Variants in CFLAR observed in about 807,000 individuals in gnomAD.
CFLAR encodes CASP8 and FADD-like apoptosis regulator.
CFLAR carries 14 observed loss-of-function variants against 51.1 expected under a neutral mutation model. The observed-to-expected ratio is 0.27, with a 90% CI of 0.18 to 0.43. The LOEUF (loss-of-function observed/expected upper bound fraction) is 0.43, where lower values mean the gene tolerates loss of function less well. Ranked by LOEUF, CFLAR falls within the 20% of genes least tolerant of loss-of-function variation. The probability of loss-of-function intolerance (pLI) is 1.00; values close to 1 mark genes in which losing one functional copy is unlikely to be tolerated. For missense variants in CFLAR, 390 were observed against 566.5 expected (o/e 0.69, Z 3.16); for synonymous variants, 210 against 211.6 (o/e 0.99, Z 0.06).
At chr2:201,152,525 A>G (rs1225091213) in intron 8 of CFLAR, among the ~76,000 whole-genome samples, 1 of 152,092 alleles carries the variant, frequency 6.6e-6, no homozygotes, top group East Asian at 1.9e-4. Context: ...TTGCTTGTTC[A>G]ATTCTAGCCA....
intron 5 of CFLAR, chr2:201,141,473 T>G (rs1218437795): frequency 3.2e-6 from 5 of 1,538,806 alleles, no homozygotes; most frequent in Non-Finnish European, 4.4e-6. Flanking sequence ...TCTGAATGAT[T>G]AAATCGTTTC....
intron 5 of CFLAR, chr2:201,141,356 C>T (rs1289720225): frequency 6.4e-7 from 1 of 1,550,866 alleles, no homozygotes; most frequent in African/African-American, 1.4e-5. Flanking sequence ...TTCATTTTTG[C>T]TTTTTTCTCT....
At chr2:201,147,287 G>A (rs1211664016) in intron 6 of CFLAR, among the ~76,000 whole-genome samples, 1 of 152,172 alleles carries the variant, frequency 6.6e-6, no homozygotes, top group Non-Finnish European at 1.5e-5. Flanking sequence ...CCAGCACTTT[G>A]GGAGGTCGAG....
At chr2:201,141,199 C>G (rs905923575) in intron 5 of CFLAR, among the ~76,000 whole-genome samples, 5 of 152,150 alleles carry the variant, frequency 3.3e-5, no homozygotes, top group African/African-American at 1.2e-4. Flanking sequence ...CATTGTACTC[C>G]AGCCTGGGTG....
intron 6 of CFLAR, 75 bp downstream of exon 6, chr2:201,145,507 G>A: frequency 1.0e-6 from 1 of 970,468 alleles, no homozygotes; most frequent in Non-Finnish European, 1.6e-6. Context: ...CATTTTTAGA[G>A]TTGGTCATTT....
Position 201,166,388 on chromosome 2 carries a change from C to T in CFLAR, c.*2415C>T, listed in dbSNP as rs868576672. The stretch of plus-strand genomic sequence containing the variant: ...ACAGGGTGGCTGTCGGGCGGAGGGG[C>T]TCCTCACTTCTCAGACGGGGCAGCT... On this transcript the variant is annotated 3_prime_UTR_variant, in exon 10 of 10. Coordinates refer to ENST00000309955, the MANE Select transcript of CFLAR (RefSeq NM_003879.7). 1.6e-4 allele frequency: 25 copies of T among 153,894 alleles called. No homozygotes were observed. Among genetic ancestry groups the T allele is most frequent in the Admixed American group, 2.8e-4 (4 of 14,140 alleles). The allele number at this position is 153,894 out of a possible 1,614,324, so 9.5% of individuals were successfully genotyped here.
chr2:201,133,495 T>C (rs903855684), intron 3 of CFLAR, among the ~76,000 whole-genome samples: 19 of 152,120 alleles, frequency 1.2e-4, no homozygotes, highest in Non-Finnish European at 1.3e-4. Context: ...TAGTCCACTA[T>C]AGTATCACTC....
At chr2:201,123,532 T>C (rs890013607) in intron 1 of CFLAR, among the ~76,000 whole-genome samples, 1 of 152,092 alleles carries the variant, frequency 6.6e-6, no homozygotes, top group Non-Finnish European at 1.5e-5. Flanking sequence ...AAACTCCCTT[T>C]ATCAGCCCCC....
rs902796839 is a variant in CFLAR, at chr2:201,174,035, C to T, written c.*10062C>T. The T allele has an allele frequency of 1.3e-5, 2 of 152,234 alleles. No homozygotes were observed. The highest frequency in any genetic ancestry group is 1.3e-4 in the Admixed American group (2 of 15,280). 9.4% of individuals were successfully genotyped at this position (152,234 alleles called of 1,614,324 possible). On this transcript the variant is annotated 3_prime_UTR_variant, in exon 10 of 10. Coordinates refer to ENST00000309955, the MANE Select transcript of CFLAR (RefSeq NM_003879.7). ...AATATTCTGGATACTAGTTTCTTAT[C>T]AGGTACAATCTTTGTGAATATATTC...
In CFLAR at chr2:201,129,979, G is replaced by A. The variant is rs1252685589; in HGVS notation, c.114G>A (p.Arg38=). 16 of 1,614,032 alleles carry A rather than the reference G, an allele frequency of 9.9e-6. No individual in the cohort carries two copies. Among genetic ancestry groups the A allele is most frequent in the Non-Finnish European group, 1.3e-5 (15 of 1,180,036 alleles). Residue 38 remains arginine (R), a synonymous_variant, in exon 2 of 10, where the codon AGG becomes AGA. Coordinates refer to ENST00000309955, the MANE Select transcript of CFLAR (RefSeq NM_003879.7). The stretch of plus-strand genomic sequence containing the variant: ...TAGATGTGGTTCCACCTAATGTCAG[G>A]GACCTTCTGGATATTTTACGGGAAA... The part of the protein sequence containing the change: ...VAIDVVPPNV[R]DLLDILRERG...
intron 1 of CFLAR, among the ~76,000 whole-genome samples, chr2:201,119,474 C>T (rs2125584262): frequency 1.3e-5 from 2 of 152,236 alleles, no homozygotes; most frequent in South Asian, 4.1e-4. Flanking sequence ...TTTGTTTTGT[C>T]TTTTCTTTTA....
At chr2:201,135,724 C>G (rs1575680325) in intron 3 of CFLAR, among the ~76,000 whole-genome samples, 1 of 152,014 alleles carries the variant, frequency 6.6e-6, no homozygotes, top group East Asian at 1.9e-4. Context: ...CCTCTGAGTT[C>G]AAGTGATCCT....
chr2:201,144,354 C>T (rs538556419), intron 5 of CFLAR: 21 of 152,342 alleles, frequency 1.4e-4, no homozygotes, highest in Non-Finnish European at 1.5e-5. Flanking sequence ...TACTCTTACT[C>T]TAGCCCTCAG....
At chr2:201,130,224 G>A (rs78399459) in intron 2 of CFLAR, 78 bp downstream of exon 2, 9 of 1,345,794 alleles carry the variant, frequency 6.7e-6, no homozygotes, top group East Asian at 5.1e-5. Context: ...TGGCAGAAAC[G>A]AGGATAATAA....
intron 7 of CFLAR, chr2:201,149,492 A>C: frequency 3.1e-6 from 1 of 323,854 alleles, no homozygotes; most frequent in Non-Finnish European, 5.7e-6. Flanking sequence ...AATTATCTTT[A>C]TTCCACAAAG....
At chr2:201,149,170 G>T (rs993139780) in intron 7 of CFLAR, 118 bp downstream of exon 7, 5 of 673,050 alleles carry the variant, frequency 7.4e-6, no homozygotes, top group African/African-American at 7.2e-5. Context: ...TGAGAGTGTT[G>T]TTCTCCTGAG....
At chr2:201,146,113 C>A (rs1440296680) in intron 6 of CFLAR, among the ~76,000 whole-genome samples, 1 of 150,290 alleles carries the variant, frequency 6.7e-6, no homozygotes, top group Non-Finnish European at 1.5e-5. Flanking sequence ...ATTAAAGGCA[C>A]GCACCACCAC....
rs1944089188 is a variant in CFLAR at position 201,172,672 on chromosome 2, C to G, written c.*8699C>G. The G allele has an allele frequency of 6.6e-6, 1 of 152,230 alleles. No homozygotes were observed. The highest frequency in any genetic ancestry group is 1.5e-5 in the Non-Finnish European group (1 of 68,048). 9.4% of individuals were successfully genotyped at this position (152,230 alleles called of 1,614,324 possible). A position where few individuals can be genotyped will look rare whatever the true frequency, so the allele number is the denominator to read the frequency against. ...AAAATAAACATGTGGCCTTTCGTGT[C>G]TGACTTCCTTCACTTAGCATGTTTC... On this transcript the variant is annotated 3_prime_UTR_variant, in exon 10 of 10. Transcript: ENST00000309955.
intron 1 of CFLAR, chr2:201,122,474 G>A (rs1445823136): frequency 6.6e-6 from 1 of 152,146 alleles, no homozygotes; most frequent in Non-Finnish European, 1.5e-5. Context: ...GGCTGCAATG[G>A]TCCAATGATG....
Sources: allele counts gnomAD v4.1 joint callset (sites outside exome capture counted in the v4.1 genomes callset), GRCh38; gene constraint gnomAD v4.1.1; transcripts MANE v1.5; gene names NCBI Gene and HGNC (gene_info 2026-07-23, HGNC 2026-07-21).